PRR16: variants seen among roughly 807,000 people sequenced by gnomAD.
PRR16 encodes proline rich 16.
In PRR16, 6 loss-of-function variants were observed where a neutral mutation model predicts 18.2. The ratio of observed to expected loss-of-function variants is 0.33; its 90% CI spans 0.18 to 0.65. The LOEUF is 0.65. PRR16 is among the 30% of genes least tolerant of loss of function. PRR16 has a pLI of 0.74. For missense variants in PRR16, 412 were observed against 376.6 expected (o/e 1.09, Z -0.78); for synonymous variants, 151 against 147.8 (o/e 1.02, Z -0.16).
At chr5:120,576,964 A>G (rs1277601942) in intron 1 of PRR16, among the ~76,000 whole-genome samples, 3 of 151,474 alleles carry the variant, frequency 2.0e-5, no homozygotes, top group Non-Finnish European at 4.4e-5. Flanking sequence ...ATATACACAT[A>G]TATATGTTTA....
At chr5:120,482,350 A>G (rs1446677926) in intron 1 of PRR16, among the ~76,000 whole-genome samples, 2 of 152,180 alleles carry the variant, frequency 1.3e-5, no homozygotes, top group Middle Eastern at 6.8e-3. Context: ...CCCAGTGTTT[A>G]GCTCCTGCTT....
At chr5:120,598,080 T>G (rs1487837771) in intron 1 of PRR16, among the ~76,000 whole-genome samples, 1 of 151,916 alleles carries the variant, frequency 6.6e-6, no homozygotes, top group East Asian at 1.9e-4. Flanking sequence ...AAGATCTACC[T>G]CATCATTAAA....
At chr5:120,539,716 G>A (rs1751847355) in intron 1 of PRR16, among the ~76,000 whole-genome samples, 2 of 152,126 alleles carry the variant, frequency 1.3e-5, no homozygotes, top group South Asian at 2.1e-4. Context: ...AAAAAAGGGT[G>A]TAGGAAGAGC....
the PRR16 span, among the ~76,000 whole-genome samples, chr5:120,711,948 C>T: frequency 6.6e-6 from 1 of 152,126 alleles, no homozygotes; most frequent in African/African-American, 2.4e-5. Flanking sequence ...CATTTCCACA[C>T]CCAGAAAATT....
At chr5:120,636,998 A>G (rs1755249641) in intron 1 of PRR16, among the ~76,000 whole-genome samples, 1 of 152,150 alleles carries the variant, frequency 6.6e-6, no homozygotes, top group Non-Finnish European at 1.5e-5. Context: ...TTCTCAAAAG[A>G]AGATATACAA....
intron 1 of PRR16, among the ~76,000 whole-genome samples, chr5:120,547,673 T>G (rs1022574842): frequency 1.3e-5 from 2 of 152,068 alleles, no homozygotes; most frequent in African/African-American, 4.8e-5. Context: ...GAACAGAATG[T>G]CAGTCACTGA....
chr5:120,491,791 G>A (rs1036472198), intron 1 of PRR16, among the ~76,000 whole-genome samples: 2 of 152,090 alleles, frequency 1.3e-5, no homozygotes, highest in Non-Finnish European at 2.9e-5. Flanking sequence ...CAGTCTGCCC[G>A]CCTTGGCCTC....
the PRR16 span, among the ~76,000 whole-genome samples, chr5:120,774,793 G>T: frequency 6.6e-6 from 1 of 152,094 alleles, no homozygotes; most frequent in Non-Finnish European, 1.5e-5. Context: ...CAATACAAGG[G>T]AGTCCATGAA....
intron 1 of PRR16, among the ~76,000 whole-genome samples, chr5:120,675,264 G>C (rs574662542): frequency 2.0e-5 from 3 of 152,304 alleles, no homozygotes; most frequent in South Asian, 4.1e-4. Flanking sequence ...CGGAGCTGCT[G>C]TTAACCCGTA....
the PRR16 span, among the ~76,000 whole-genome samples, chr5:120,693,543 T>C: frequency 6.6e-6 from 1 of 152,240 alleles, no homozygotes; most frequent in Admixed American, 6.5e-5. Flanking sequence ...AGTTACTGAA[T>C]AGACAGAGCC....
chr5:120,654,401 A>T (rs1755896856), intron 1 of PRR16, among the ~76,000 whole-genome samples: 1 of 152,092 alleles, frequency 6.6e-6, no homozygotes, highest in Admixed American at 6.6e-5. Context: ...TACTAGGAGA[A>T]GACAAAATTT....
At chr5:120,607,589 C>G (rs531987550) in intron 1 of PRR16, among the ~76,000 whole-genome samples, 1 of 151,984 alleles carries the variant, frequency 6.6e-6, no homozygotes, top group African/African-American at 2.4e-5. Context: ...GTAATCATTT[C>G]CATGGTTGAT....
At chr5:120,497,083 A>C (rs548940857) in intron 1 of PRR16, among the ~76,000 whole-genome samples, 1 of 152,224 alleles carries the variant, frequency 6.6e-6, no homozygotes, top group African/African-American at 2.4e-5. Flanking sequence ...TTATGATTTC[A>C]ATTCTAATAA....
At chr5:120,537,079 TA>T (rs1318279807) in intron 1 of PRR16, among the ~76,000 whole-genome samples, 1 of 152,010 alleles carries the variant, frequency 6.6e-6, no homozygotes, top group Non-Finnish European at 1.5e-5. Context: ...ACAGAAAAAA[TA>T]ACTATTGGGT....
chr5:120,542,376 A>T (rs1751942776), intron 1 of PRR16, among the ~76,000 whole-genome samples: 2 of 152,302 alleles, frequency 1.3e-5, no homozygotes, highest in South Asian at 2.1e-4. Context: ...AAAAAGTTGC[A>T]AAGATAGTAC....
the PRR16 span, among the ~76,000 whole-genome samples, chr5:120,776,948 C>T: frequency 6.6e-6 from 1 of 152,022 alleles, no homozygotes; most frequent in African/African-American, 2.4e-5. Context: ...AATAAAGCAA[C>T]ACTATCCAAA....
At chr5:120,508,968 G>T (rs10064623) in intron 1 of PRR16, among the ~76,000 whole-genome samples, 114 of 151,884 alleles carry the variant, frequency 7.5e-4, no homozygotes, top group African/African-American at 2.7e-3. Flanking sequence ...GGTGAGGGGG[G>T]GGATAGTAAA....
At chr5:120,497,897 A>G (rs2112838162) in intron 1 of PRR16, among the ~76,000 whole-genome samples, 1 of 151,828 alleles carries the variant, frequency 6.6e-6, no homozygotes, top group East Asian at 1.9e-4. Flanking sequence ...TGCATGGCAT[A>G]TCTTCTCCCA....
At chr5:120,464,281 C>A, upstream of PRR16, 1 of 367,574 alleles carries the variant, frequency 2.7e-6, no homozygotes, top group Non-Finnish European at 4.6e-6. Context: ...CAGCCCCGAG[C>A]CGAGCGCCGC....
Sources: gnomAD v4.1 joint callset for allele counts (sites outside exome capture counted in the v4.1 genomes callset) on GRCh38, gnomAD v4.1.1 for gene constraint, MANE v1.5 for transcripts, NCBI Gene and HGNC (gene_info 2026-07-23, HGNC 2026-07-21) for gene names.